The following NFIB variants were observed in gnomAD, a reference collection of about 807,000 sequenced individuals.
NFIB encodes nuclear factor 1 B-type.
A neutral mutation model predicts 61.5 loss-of-function variants in NFIB; 11 were observed. The observed-to-expected ratio is 0.18, with a 90% CI of 0.11 to 0.30. The LOEUF is 0.30. Among genes scored for constraint, NFIB ranks in the 10% least tolerant of loss-of-function variants. The probability of loss-of-function intolerance (pLI) is 1.00; values close to 1 mark genes in which losing one functional copy is unlikely to be tolerated. For synonymous variants in NFIB, 260 were observed against 216.5 expected (o/e 1.20, Z -1.76); for missense variants, 471 against 608.9 (o/e 0.77, Z 2.38).
intron 5 of NFIB, among the ~76,000 whole-genome samples, chr9:14,149,367 T>C (rs1174488009): frequency 6.6e-6 from 1 of 152,158 alleles, no homozygotes. Context: ...AGTGTTTTGC[T>C]CTAGAATTCA....
At chr9:14,434,426 G>A in the NFIB span, among the ~76,000 whole-genome samples, 1 of 152,176 alleles carries the variant, frequency 6.6e-6, no homozygotes, top group Non-Finnish European at 1.5e-5. Flanking sequence ...TTCACCACTA[G>A]CCTTATTTCC....
At chr9:14,225,916 G>C (rs1587746730) in intron 2 of NFIB, among the ~76,000 whole-genome samples, 1 of 152,100 alleles carries the variant, frequency 6.6e-6, no homozygotes, top group Admixed American at 6.5e-5. Context: ...TTTGAAATCT[G>C]AATGAATCAC....
intron 2 of NFIB, among the ~76,000 whole-genome samples, chr9:14,235,573 C>T (rs1360362714): frequency 6.6e-6 from 1 of 152,082 alleles, no homozygotes; most frequent in Non-Finnish European, 1.5e-5. Context: ...TTACCTAAGT[C>T]CAAGAATTAC....
the NFIB span, among the ~76,000 whole-genome samples, chr9:14,509,608 C>A: frequency 1.3e-5 from 2 of 152,194 alleles, no homozygotes; most frequent in African/African-American, 4.8e-5. Context: ...CAACAGTACT[C>A]CTTGCCCTCT....
At chr9:14,216,541 TCC>T (rs757611051) in intron 2 of NFIB, among the ~76,000 whole-genome samples, 1,322 of 30,784 alleles carry the variant, frequency 0.043, 64 homozygotes, top group East Asian at 0.26. Context: ...TCTCTCTCTC[TCC>T]CTCTGTGTGT....
the NFIB span, among the ~76,000 whole-genome samples, chr9:14,437,853 CCAAGAGTGG>C: frequency 1.3e-5 from 2 of 152,212 alleles, no homozygotes; most frequent in Non-Finnish European, 2.9e-5. Context: ...GGGCTGGAGG[CCAAGAGTGG>C]CAATCCGTGA....
intron 8 of NFIB, among the ~76,000 whole-genome samples, chr9:14,116,724 T>C (rs138741345): frequency 1.3e-5 from 2 of 152,382 alleles, no homozygotes; most frequent in East Asian, 3.9e-4. Context: ...CAATGCTTCC[T>C]TATTCTCTGC....
At chr9:14,433,972 C>T in the NFIB span, among the ~76,000 whole-genome samples, 34 of 152,158 alleles carry the variant, frequency 2.2e-4, no homozygotes, top group Non-Finnish European at 5.9e-5. Flanking sequence ...GAGGTTGCTG[C>T]GGCCACAACG....
rs2032328121 is a variant in NFIB, at chr9:14,083,370, G to A, written c.*4939C>T. 1 of 222,608 alleles carries A rather than the reference G, an allele frequency of 4.5e-6. No homozygotes were observed. The highest frequency in any genetic ancestry group is 5.8e-5 in the Admixed American group (1 of 17,180). The allele number at this position is 222,608 out of a possible 1,614,324, so 13.8% of individuals were successfully genotyped here. ...TTTTAGGGAATTAGAAAAAACAGGG[G>A]AACTACCAGAAAGTGCAAAATATGA... On this transcript the variant is annotated 3_prime_UTR_variant, in exon 11 of 11. Coordinates refer to ENST00000380953, the MANE Select transcript of NFIB (RefSeq NM_001190737.2).
At chr9:14,166,933 T>C (rs1027347938) in intron 3 of NFIB, among the ~76,000 whole-genome samples, 5 of 152,198 alleles carry the variant, frequency 3.3e-5, no homozygotes, top group Admixed American at 1.3e-4. Context: ...AGGTTCACTT[T>C]TCGTATAAGT....
chr9:14,400,415 G>A (rs1224015096), upstream of NFIB, among the ~76,000 whole-genome samples: 5 of 152,108 alleles, frequency 3.3e-5, no homozygotes, highest in Non-Finnish European at 5.9e-5. Flanking sequence ...AAAGCTACAT[G>A]TTTTTCCCGT....
intron 2 of NFIB, among the ~76,000 whole-genome samples, chr9:14,279,063 CAGAG>C (rs1225338504): frequency 2.6e-5 from 4 of 151,998 alleles, no homozygotes; most frequent in African/African-American, 7.3e-5. Flanking sequence ...CATACACACA[CAGAG>C]AGAGAGACGG....
intron 2 of NFIB, among the ~76,000 whole-genome samples, chr9:14,233,061 C>T (rs1217043649): frequency 5.3e-5 from 8 of 152,144 alleles, no homozygotes; most frequent in Admixed American, 1.3e-4. Context: ...AAAGTCACCA[C>T]TTTTTAAGAA....
Position 14,129,823 on chromosome 9 carries a change from C to T in NFIB, c.926-4057G>A, listed in dbSNP as rs558174692. 1.4e-3 allele frequency among the ~76,000 whole-genome samples: 217 copies of T among 152,052 alleles called. 3 individuals are homozygous for T. The highest frequency in any genetic ancestry group is 0.011 in the South Asian group (52 of 4,802). ...TAAATATATAATAACTTGAATAATG[C>T]ATACATAATAATGCATAAGTTGAAT... On this transcript the variant is annotated intron_variant, in intron 6 of 10. Transcript: ENST00000380953.
chr9:14,178,760 C>G (rs1053891390), intron 3 of NFIB, among the ~76,000 whole-genome samples: 2 of 152,008 alleles, frequency 1.3e-5, no homozygotes, highest in African/African-American at 4.8e-5. Context: ...TTTTGGTGTT[C>G]TTCTGGTATT....
chr9:14,292,274 A>G (rs1247277393), intron 2 of NFIB, among the ~76,000 whole-genome samples: 1 of 152,174 alleles, frequency 6.6e-6, no homozygotes, highest in Non-Finnish European at 1.5e-5. Context: ...GAAGATCTGT[A>G]GGGATTTTCC....
chr9:14,327,462 A>G (rs1300754857), intron 1 of NFIB, among the ~76,000 whole-genome samples: 1 of 152,192 alleles, frequency 6.6e-6, no homozygotes, highest in African/African-American at 2.4e-5. Context: ...GGAGGAATTC[A>G]TTCCTACTAC....
chr9:14,088,440 C>T (rs56268008), intron 10 of NFIB, 114 bp from the exon 11 acceptor site: 106,348 of 1,136,386 alleles, frequency 0.094, 5,418 homozygotes, highest in African/African-American at 0.14. Flanking sequence ...ATTGCTATCC[C>T]TATTTTCAAA....
At chr9:14,494,912 C>T in the NFIB span, among the ~76,000 whole-genome samples, 5 of 152,184 alleles carry the variant, frequency 3.3e-5, no homozygotes, top group South Asian at 4.1e-4. Context: ...TCCTTAAAAT[C>T]GTCACAACTG....
Sources: gnomAD v4.1 joint callset for allele counts (sites outside exome capture counted in the v4.1 genomes callset) on GRCh38, gnomAD v4.1.1 for gene constraint, MANE v1.5 for transcripts, NCBI Gene and HGNC (gene_info 2026-07-23, HGNC 2026-07-21) for gene names.